RAD23B: variants seen among roughly 807,000 people sequenced by gnomAD.
RAD23B encodes lysine-specific demethylase RAD23B.
RAD23B carries 5 observed loss-of-function variants against 49.1 expected under a neutral mutation model. The ratio of observed to expected loss-of-function variants is 0.10; its 90% CI spans 0.05 to 0.21. The LOEUF (loss-of-function observed/expected upper bound fraction) is 0.21. Ranked by LOEUF, RAD23B falls within the 10% of genes least tolerant of loss-of-function variation. The pLI is 1.00. For missense variants in RAD23B, 356 were observed against 486.7 expected (o/e 0.73, Z 2.53); for synonymous variants, 184 against 165.4 (o/e 1.11, Z -0.86).
At chr9:107,297,195 T>C (rs1296811599) in intron 1 of RAD23B, among the ~76,000 whole-genome samples, 3 of 152,108 alleles carry the variant, frequency 2.0e-5, no homozygotes, top group Non-Finnish European at 4.4e-5. Flanking sequence ...CCTTTTTTTC[T>C]GTTTGAGTTG....
chr9:107,294,445 C>G (rs980561216), intron 1 of RAD23B, among the ~76,000 whole-genome samples: 1 of 152,140 alleles, frequency 6.6e-6, no homozygotes, highest in Non-Finnish European at 1.5e-5. Flanking sequence ...AGATGGCTTA[C>G]TGGAATGGGA....
In RAD23B at chr9:107,306,053, A is replaced by ATC. The variant is rs1429409987; in HGVS notation, c.229-325_229-324insCT. On this transcript the variant is annotated intron_variant, in intron 3 of 9. Transcript: ENST00000358015. ...TGGGAAAATGATACGGTTTATATCT[A>ATC]TATATATATATATATATATCTATAT... Among the ~76,000 whole-genome samples, 70 of 38,774 alleles carry ATC rather than the reference A, an allele frequency of 1.8e-3. 4 individuals are homozygous for ATC. In the South Asian group the frequency reaches 0.049, roughly 27 times the overall value. 25.4% of individuals were successfully genotyped at this position (38,774 alleles called of 152,430 possible). A position where few individuals can be genotyped will look rare whatever the true frequency, so the allele number is the denominator to read the frequency against.
At chr9:107,320,910 A>G (rs1357568888) in intron 6 of RAD23B, among the ~76,000 whole-genome samples, 1 of 152,114 alleles carries the variant, frequency 6.6e-6, no homozygotes, top group East Asian at 1.9e-4. Context: ...CATCCTTTAT[A>G]TGTTGTTGCT....
At chr9:107,319,980 A>T (rs956620367) in intron 6 of RAD23B, among the ~76,000 whole-genome samples, 2 of 152,160 alleles carry the variant, frequency 1.3e-5, no homozygotes, top group African/African-American at 4.8e-5. Context: ...CCTGATTCTA[A>T]CCCTTTTGGG....
rs61758755 is a variant in RAD23B at position 107,323,975 on chromosome 9, G to C, written c.903G>C (p.Ala301=). 136 of 1,613,268 alleles carry C rather than the reference G, an allele frequency of 8.4e-5. No homozygotes were observed. The East Asian group carries it at 2.9e-3, about 34-fold the overall frequency. Residue 301 remains alanine, a synonymous_variant, in exon 8 of 10, where the codon GCG becomes GCC. Transcript: ENST00000358015. ...IIQQNPSLLP[A]LLQQIGRENP... Reference sequence around the variant, plus strand: ...AGCAGAATCCTTCCTTGCTTCCAGCGTTACTACAGCAGATAGGTCGAGAGA... The same window carrying C: ...AGCAGAATCCTTCCTTGCTTCCAGCCTTACTACAGCAGATAGGTCGAGAGA...
chr9:107,289,241 G>A (rs1482567334), intron 1 of RAD23B, among the ~76,000 whole-genome samples: 2 of 151,488 alleles, frequency 1.3e-5, no homozygotes. Context: ...ATAGAGTACA[G>A]TGGCATGATC....
chr9:107,324,022 C>CT lies in RAD23B; in HGVS notation c.945+6dup. The CT allele has an allele frequency of 1.2e-6, 2 of 1,612,862 alleles. No individual in the cohort carries two copies. The highest frequency in any genetic ancestry group is 1.3e-5 in the African/African-American group (1 of 74,994). ...GAGAATCCTCAATTACTTCAGGTGA[C>CT]TAATCAGTGTCAGTTTCACAAGTGA... On this transcript the variant is annotated splice_donor_region_variant and intron_variant, in intron 8 of 9. Transcript: ENST00000358015.
Position 107,300,237 on chromosome 9 carries a change from T to C in RAD23B, c.148+15T>C, listed in dbSNP as rs761537855. The C allele has an allele frequency of 1.3e-6, 2 of 1,593,486 alleles. No individual in the cohort carries two copies. The highest frequency in any genetic ancestry group is 1.3e-5 in the African/African-American group (1 of 74,140). On this transcript the variant is annotated intron_variant, in intron 2 of 9. Transcript: ENST00000358015. ...AATTTATGCAGGTATGAATTAAATA[T>C]TAAAATTAACATGCCATGTCTTGAT...
chr9:107,290,096 A>G (rs1833350657), intron 1 of RAD23B, among the ~76,000 whole-genome samples: 1 of 152,176 alleles, frequency 6.6e-6, no homozygotes, highest in Admixed American at 6.5e-5. Context: ...ATGCTTTCAT[A>G]TCATCTAGCC....
intron 4 of RAD23B, among the ~76,000 whole-genome samples, chr9:107,309,757 C>A (rs1050292069): frequency 2.0e-5 from 3 of 151,892 alleles, no homozygotes; most frequent in African/African-American, 7.3e-5. Flanking sequence ...CAGTGAAACC[C>A]CGTCTCTACT....
chr9:107,316,347 T>G (rs1159385153), intron 5 of RAD23B, among the ~76,000 whole-genome samples: 2 of 152,238 alleles, frequency 1.3e-5, no homozygotes, highest in Admixed American at 1.3e-4. Context: ...TGTACCCTCC[T>G]CATCTTTTAA....
intron 1 of RAD23B, among the ~76,000 whole-genome samples, chr9:107,299,575 T>C (rs1826605530): frequency 6.6e-6 from 1 of 152,224 alleles, no homozygotes; most frequent in Non-Finnish European, 1.5e-5. Flanking sequence ...GTTTTCAGCC[T>C]GGGCTGAACT....
intron 6 of RAD23B, among the ~76,000 whole-genome samples, chr9:107,320,692 T>C (rs60718910): frequency 0.055 from 8,351 of 152,282 alleles, 702 homozygotes; most frequent in African/African-American, 0.19. Context: ...TAGAGGTCGA[T>C]CTATAGCAAT....
intron 9 of RAD23B, among the ~76,000 whole-genome samples, chr9:107,328,220 A>G (rs1459139627): frequency 1.3e-5 from 2 of 152,188 alleles, no homozygotes; most frequent in Non-Finnish European, 2.9e-5. Flanking sequence ...TTCGTGATGA[A>G]TTGGGATTTT....
intron 1 of RAD23B, among the ~76,000 whole-genome samples, chr9:107,299,394 A>T (rs575574086): frequency 6.6e-6 from 1 of 152,330 alleles, no homozygotes; most frequent in Admixed American, 6.5e-5. Flanking sequence ...CAAGTTAAGA[A>T]GTTCATTAGA....
At chr9:107,284,343 T>TA in intron 1 of RAD23B, among the ~76,000 whole-genome samples, 1 of 152,276 alleles carries the variant, frequency 6.6e-6, no homozygotes, top group Middle Eastern at 3.4e-3. Flanking sequence ...TTTTAGCTGT[T>TA]AGAGCTCTTC....
At chr9:107,298,515 G>C (rs1465633191) in intron 1 of RAD23B, among the ~76,000 whole-genome samples, 1 of 82,150 alleles carries the variant, frequency 1.2e-5, no homozygotes, top group Non-Finnish European at 2.2e-5. Flanking sequence ...ATTTTTAGTA[G>C]AGACAGGGTT....
chr9:107,325,111 T>G (rs1827180919), intron 9 of RAD23B, 107 bp downstream of exon 9: 1 of 1,079,944 alleles, frequency 9.3e-7, no homozygotes, highest in Non-Finnish European at 1.3e-6. Context: ...GGTCAGGAGT[T>G]CAAGACCAGC....
chr9:107,287,241 A>C (rs1303322027), intron 1 of RAD23B, among the ~76,000 whole-genome samples: 2 of 151,836 alleles, frequency 1.3e-5, no homozygotes, highest in African/African-American at 4.8e-5. Flanking sequence ...GAGATAAAAA[A>C]AATACAGTGC....
Sources: gnomAD v4.1 joint callset for allele counts (sites outside exome capture counted in the v4.1 genomes callset) on GRCh38, gnomAD v4.1.1 for gene constraint, MANE v1.5 for transcripts, NCBI Gene and HGNC (gene_info 2026-07-23, HGNC 2026-07-21) for gene names.